ITPRID1: variants seen among roughly 807,000 people sequenced by gnomAD.
ITPRID1 encodes ITPR interacting domain containing 1, also known as protein ITPRID1.
ITPRID1 carries 96 observed loss-of-function variants against 95.4 expected under a neutral mutation model. That is an observed-to-expected ratio of 1.01 (90% CI 0.85 to 1.19). The LOEUF (loss-of-function observed/expected upper bound fraction) is 1.19, where lower values mean the gene tolerates loss of function less well. ITPRID1 is among the 50% of genes most tolerant of loss of function. The probability of loss-of-function intolerance (pLI) is 0.00; values close to 1 mark genes in which losing one functional copy is unlikely to be tolerated. For synonymous variants in ITPRID1, 510 were observed against 453.6 expected (o/e 1.12, Z -1.58); for missense variants, 1,339 against 1,252.9 (o/e 1.07, Z -1.04).
intron 10 of ITPRID1, among the ~76,000 whole-genome samples, chr7:31,636,970 G>C (rs1336652599): frequency 6.9e-6 from 1 of 145,598 alleles, no homozygotes; most frequent in African/African-American, 2.6e-5. Flanking sequence ...CCACCTATGA[G>C]TGAGAACATG....
rs191692567 is a variant in ITPRID1, at chr7:31,538,176, C to A, written c.-97-11250C>A. 2.3e-3 allele frequency among the ~76,000 whole-genome samples: 356 copies of A among 152,304 alleles called. 1 individual carries two copies. The highest frequency in any genetic ancestry group is 7.9e-3 in the African/African-American group (330 of 41,564). ...AAGGCTATACAATAAAAAGGACTCTCATGTACTCTTCCCATTCTTTAATTG... is the reference window on the plus strand; with the variant it reads ...AAGGCTATACAATAAAAAGGACTCTAATGTACTCTTCCCATTCTTTAATTG... On this transcript the variant is annotated intron_variant, in intron 1 of 14. Transcript: ENST00000615280.
At position 31,577,880 on chromosome 7, in the gene ITPRID1, G is replaced by GAAATCCTGGAC. The variant is rs768082867; in HGVS notation, c.617_627dup (p.His210LysfsTer6). ...TTGTGCAGGTCGTTTCCGACAGCTGGAAATCCTGGACCATGTGACCAATGC... is the reference window on the plus strand; with the variant it reads ...TTGTGCAGGTCGTTTCCGACAGCTGGAAATCCTGGACAAATCCTGGACCATGTGACCAATGC... On this transcript the variant is annotated frameshift_variant, in exon 9 of 15. Transcript: ENST00000615280. LOFTEE classifies it high-confidence loss of function. 3.1e-6 allele frequency: 5 copies of GAAATCCTGGAC among 1,595,518 alleles called. No homozygotes were observed. In the East Asian group the frequency reaches 1.1e-4, roughly 36 times the overall value.
chr7:31,616,329 A>G (rs977854645), intron 10 of ITPRID1, among the ~76,000 whole-genome samples: 2 of 152,194 alleles, frequency 1.3e-5, no homozygotes, highest in Admixed American at 6.5e-5. Flanking sequence ...TAGTGAATAT[A>G]TGCATATTGG....
At chr7:31,579,136 A>G (rs976031740) in intron 9 of ITPRID1, among the ~76,000 whole-genome samples, 1 of 151,966 alleles carries the variant, frequency 6.6e-6, no homozygotes, top group Non-Finnish European at 1.5e-5. Flanking sequence ...ACTAGTTTTT[A>G]TCTTCACTTA....
chr7:31,575,555 A>G (rs1205701611), intron 8 of ITPRID1, among the ~76,000 whole-genome samples: 3 of 152,190 alleles, frequency 2.0e-5, no homozygotes, highest in Non-Finnish European at 2.9e-5. Context: ...GATTGATTTA[A>G]TATGCCAAGG....
At chr7:31,542,954 G>C (rs1783978957) in intron 1 of ITPRID1, among the ~76,000 whole-genome samples, 1 of 151,924 alleles carries the variant, frequency 6.6e-6, no homozygotes, top group Non-Finnish European at 1.5e-5. Flanking sequence ...TTTTTCTTAG[G>C]CCAATTAATT....
intron 12 of ITPRID1, among the ~76,000 whole-genome samples, chr7:31,650,627 G>T (rs1253118644): frequency 6.6e-6 from 1 of 152,156 alleles, no homozygotes; most frequent in African/African-American, 2.4e-5. Flanking sequence ...TGATCCTGCA[G>T]ATTCCAACCT....
intron 12 of ITPRID1, among the ~76,000 whole-genome samples, chr7:31,647,597 C>G (rs1327539033): frequency 6.7e-6 from 1 of 149,570 alleles, no homozygotes; most frequent in African/African-American, 2.5e-5. Flanking sequence ...TCACTTGAAC[C>G]TGGGAGGCGG....
chr7:31,543,294 C>T (rs1466833487), intron 1 of ITPRID1, among the ~76,000 whole-genome samples: 1 of 152,006 alleles, frequency 6.6e-6, no homozygotes, highest in Non-Finnish European at 1.5e-5. Context: ...AGTCCCAGGC[C>T]ACCAGAAGTA....
intron 10 of ITPRID1, among the ~76,000 whole-genome samples, chr7:31,615,916 G>T (rs559785297): frequency 6.6e-6 from 1 of 151,984 alleles, no homozygotes; most frequent in East Asian, 1.9e-4. Flanking sequence ...ACCACGCCTG[G>T]CTAATTTTTT....
chr7:31,552,852 C>A, intron 2 of ITPRID1, 150 bp from the exon 3 acceptor site: 1 of 797,146 alleles, frequency 1.3e-6, no homozygotes. Context: ...GGGAGCTTGG[C>A]TCAGGTGGGT....
chr7:31,620,738 C>A (rs1787788068), intron 10 of ITPRID1, among the ~76,000 whole-genome samples: 1 of 152,034 alleles, frequency 6.6e-6, no homozygotes, highest in Non-Finnish European at 1.5e-5. Flanking sequence ...TCCTCACCAG[C>A]AATGGAACAA....
intron 10 of ITPRID1, among the ~76,000 whole-genome samples, chr7:31,597,602 G>T (rs1395175984): frequency 6.6e-6 from 1 of 151,906 alleles, no homozygotes; most frequent in Admixed American, 6.6e-5. Flanking sequence ...TTGTTGGGAA[G>T]ATTATAAATA....
intron 10 of ITPRID1, among the ~76,000 whole-genome samples, chr7:31,630,913 A>G (rs1056044938): frequency 6.6e-6 from 1 of 152,174 alleles, no homozygotes; most frequent in Non-Finnish European, 1.5e-5. Flanking sequence ...ACAAAAATGT[A>G]TGAAATAAGA....
chr7:31,599,662 T>TTC lies in ITPRID1; in HGVS notation c.1228+16501_1228+16502dup, dbSNP rs70986634. 8.0e-4 allele frequency among the ~76,000 whole-genome samples: 25 copies of TTC among 31,424 alleles called. No homozygotes were observed. The East Asian group carries it at 0.021, about 26-fold the overall frequency. 20.6% of individuals were successfully genotyped at this position (31,424 alleles called of 152,430 possible). A position where few individuals can be genotyped will look rare whatever the true frequency, so the allele number is the denominator to read the frequency against. ...CTTTCTTTCTTTTTCTTTCTTTCCT[T>TTC]TCTCTCTCTCTCTCTCTCTCTCTCT... is the stretch of plus-strand genomic sequence containing the variant. On this transcript the variant is annotated intron_variant, in intron 10 of 14. Transcript: ENST00000615280.
rs1562599189 is a variant in ITPRID1 at position 31,599,694 on chromosome 7, T to TCTCTCTCTCTCTCTCTC, written c.1228+16503_1228+16504insCTCTCTCTCTCTCTCTC. ...TCTCTCTCTCTCTCTCTCTCTCTCT[T>TCTCTCTCTCTCTCTCTC]TCTTTCTTTCTTTCTTTCTCTTTTT... On this transcript the variant is annotated intron_variant, in intron 10 of 14. Transcript: ENST00000615280. 6.3e-5 allele frequency among the ~76,000 whole-genome samples: 6 copies of TCTCTCTCTCTCTCTCTC among 95,888 alleles called. 1 individual carries two copies. Among genetic ancestry groups the TCTCTCTCTCTCTCTCTC allele is most frequent in the African/African-American group, 1.8e-4 (4 of 22,474 alleles). The allele number at this position is 95,888 out of a possible 152,430, so 62.9% of individuals were successfully genotyped here.
At chr7:31,574,283 C>T (rs1785097094) in intron 7 of ITPRID1, among the ~76,000 whole-genome samples, 1 of 151,902 alleles carries the variant, frequency 6.6e-6, no homozygotes, top group Non-Finnish European at 1.5e-5. Context: ...TATAATTTAC[C>T]ATGTGCCTGT....
chr7:31,599,662 T>TTCTTTCTTTCTC (rs1369270186), intron 10 of ITPRID1, among the ~76,000 whole-genome samples: 2 of 31,354 alleles, frequency 6.4e-5, no homozygotes, highest in African/African-American at 1.5e-4. Context: ...TTTCTTTCCT[T>TTCTTTCTTTCTC]TCTCTCTCTC....
chr7:31,541,125 T>C (rs749518200), intron 1 of ITPRID1, among the ~76,000 whole-genome samples: 10 of 152,318 alleles, frequency 6.6e-5, no homozygotes, highest in African/African-American at 2.2e-4. Flanking sequence ...ATTTTGTTCA[T>C]GGGAGTATAC....
Sources: allele counts gnomAD v4.1 joint callset (sites outside exome capture counted in the v4.1 genomes callset), GRCh38; gene constraint gnomAD v4.1.1; transcripts MANE v1.5; gene names NCBI Gene and HGNC (gene_info 2026-07-23, HGNC 2026-07-21).